Variants in PTPRG observed in about 807,000 individuals in gnomAD.
PTPRG encodes the protein protein tyrosine phosphatase receptor type G.
PTPRG carries 102 observed loss-of-function variants against 165.3 expected under a neutral mutation model. That is an observed-to-expected ratio of 0.62 (90% CI 0.53 to 0.73). PTPRG has a LOEUF of 0.73. Ranked by LOEUF, PTPRG falls within the 30% of genes least tolerant of loss-of-function variation. The probability of loss-of-function intolerance (pLI) is 0.00; values close to 1 mark genes in which losing one functional copy is unlikely to be tolerated. For missense variants in PTPRG, 1,866 were observed against 1,861.4 expected (o/e 1.00, Z -0.05); for synonymous variants, 675 against 669.5 (o/e 1.01, Z -0.13).
chr3:61,790,157 G>T (rs2034828566), intron 2 of PTPRG, among the ~76,000 whole-genome samples: 1 of 152,160 alleles, frequency 6.6e-6, no homozygotes, highest in Non-Finnish European at 1.5e-5. Flanking sequence ...TACAGAGGGT[G>T]GTTGCCCTCT....
chr3:61,662,209 C>G (rs1156652998), intron 1 of PTPRG, among the ~76,000 whole-genome samples: 2 of 152,230 alleles, frequency 1.3e-5, no homozygotes, highest in Non-Finnish European at 2.9e-5. Flanking sequence ...ATGAGCTAGA[C>G]TTCATGTCTC....
rs531070665 is a variant in PTPRG at position 61,871,542 on chromosome 3, C to T, written c.191-118083C>T. On this transcript the variant is annotated intron_variant, in intron 2 of 29. Coordinates refer to ENST00000474889, the MANE Select transcript of PTPRG (RefSeq NM_002841.4). ...AAAAGCATAAAACTGCTGACTCTCC[C>T]TGAGTGTTTGATTCTAATAGGAAAA... 2.6e-5 allele frequency among the ~76,000 whole-genome samples: 4 copies of T among 152,236 alleles called. No homozygotes were observed. The East Asian group carries it at 7.7e-4, about 29-fold the overall frequency.
rs76268669 is a variant in PTPRG, at chr3:61,784,559, A to G, written c.190+35577A>G. On this transcript the variant is annotated intron_variant, in intron 2 of 29. Transcript: ENST00000474889. ...CAGCTGACATCTGTGTTTCACTTTA[A>G]GCTTCCACAAGACTTAAGCCAGATC... Among the ~76,000 whole-genome samples, 16 of 152,290 alleles carry G rather than the reference A, an allele frequency of 1.1e-4. No homozygotes were observed. In the East Asian group the frequency reaches 3.1e-3, roughly 29 times the overall value.
chr3:61,804,369 G>C (rs913223300), intron 2 of PTPRG, among the ~76,000 whole-genome samples: 22 of 152,196 alleles, frequency 1.4e-4, no homozygotes, highest in African/African-American at 5.3e-4. Context: ...TGGGATGTGA[G>C]CTCTGTCACC....
Position 61,631,969 on chromosome 3 carries a change from T to TA in PTPRG, c.85+69598dup, listed in dbSNP as rs142702612. Among the ~76,000 whole-genome samples, 1,297 of 152,210 alleles carry TA rather than the reference T, an allele frequency of 8.5e-3. 25 individuals are homozygous for TA. Among genetic ancestry groups the TA allele is most frequent in the African/African-American group, 0.03 (1,234 of 41,520 alleles). On this transcript the variant is annotated intron_variant, in intron 1 of 29. Transcript: ENST00000474889. ...TGGATTGGAGGCAGTGGGAGCCACA[T>TA]ATAGGGAGTGATCAATTCTGCAAAG...
chr3:62,031,449 G>T (rs1215335935), intron 4 of PTPRG, among the ~76,000 whole-genome samples: 1 of 152,172 alleles, frequency 6.6e-6, no homozygotes, highest in African/African-American at 2.4e-5. Context: ...TGGACAGAAT[G>T]AAAATAAGAT....
intron 6 of PTPRG, 101 bp downstream of exon 6, chr3:62,132,769 A>T (rs1273024114): frequency 3.8e-6 from 4 of 1,055,066 alleles, no homozygotes. Flanking sequence ...GGTGACACCT[A>T]TTCCTCATCC....
At chr3:61,731,158 T>A (rs929740667) in intron 1 of PTPRG, among the ~76,000 whole-genome samples, 26 of 152,152 alleles carry the variant, frequency 1.7e-4, no homozygotes, top group African/African-American at 6.3e-4. Context: ...AAATAGTTTT[T>A]ACCCCCGTTG....
chr3:62,014,813 T>C (rs2041502051), intron 4 of PTPRG, among the ~76,000 whole-genome samples: 1 of 152,230 alleles, frequency 6.6e-6, no homozygotes, highest in East Asian at 1.9e-4. Context: ...TAAGCATATA[T>C]AGTCAGCACC....
intron 4 of PTPRG, among the ~76,000 whole-genome samples, chr3:62,047,449 A>T (rs11929545): frequency 0.011 from 1,684 of 152,024 alleles, 38 homozygotes; most frequent in African/African-American, 0.038. Context: ...TTTAGTAGAG[A>T]TGGGGTTTCG....
intron 4 of PTPRG, among the ~76,000 whole-genome samples, chr3:62,073,888 G>A (rs1412350421): frequency 1.3e-5 from 2 of 152,214 alleles, no homozygotes; most frequent in African/African-American, 2.4e-5. Context: ...GAAGAGGTCA[G>A]TGTAAAAAGA....
chr3:61,769,946 G>A (rs557084823), intron 2 of PTPRG: 15 of 152,244 alleles, frequency 9.9e-5, no homozygotes, highest in Admixed American at 5.9e-4. Flanking sequence ...GCTGTAGAAC[G>A]TGCAAGAAAT....
intron 2 of PTPRG, among the ~76,000 whole-genome samples, chr3:61,776,628 A>G (rs1047038996): frequency 6.6e-5 from 10 of 150,812 alleles, no homozygotes; most frequent in Non-Finnish European, 1.3e-4. Context: ...AAGAAATTCT[A>G]TCCTTTTAAC....
chr3:62,121,013 C>G (rs1011201618), intron 5 of PTPRG, among the ~76,000 whole-genome samples: 1 of 151,752 alleles, frequency 6.6e-6, no homozygotes, highest in African/African-American at 2.4e-5. Flanking sequence ...GGCCCTATCT[C>G]GGCTCACTGC....
intron 1 of PTPRG, among the ~76,000 whole-genome samples, chr3:61,628,362 G>A (rs1480015218): frequency 8.0e-4 from 122 of 151,994 alleles, no homozygotes; most frequent in Non-Finnish European, 1.5e-5. Context: ...TGTTGCCCAG[G>A]CTGGAGTGCA....
chr3:61,803,077 G>A (rs2035297395), intron 2 of PTPRG, among the ~76,000 whole-genome samples: 2 of 152,138 alleles, frequency 1.3e-5, no homozygotes, highest in South Asian at 2.1e-4. Context: ...ATCCATGGGT[G>A]CTTTAGCACC....
Position 61,742,646 on chromosome 3 carries a change from T to C in PTPRG, c.86-6232T>C, listed in dbSNP as rs954421698. On this transcript the variant is annotated intron_variant, in intron 1 of 29. Coordinates refer to ENST00000474889, the MANE Select transcript of PTPRG (RefSeq NM_002841.4). ...AACACCTTCTTCATTTGGAACTTGA[T>C]TGTGGACTTCACCTCACCCACTTTG... The C allele has an allele frequency of 3.7e-5, 59 of 1,605,094 alleles. 1 individual carries two copies. The highest frequency in any genetic ancestry group is 1.4e-4 in the South Asian group (13 of 91,034).
intron 2 of PTPRG, among the ~76,000 whole-genome samples, chr3:61,937,497 C>A (rs987046323): frequency 2.0e-5 from 3 of 152,300 alleles, no homozygotes; most frequent in Non-Finnish European, 2.9e-5. Flanking sequence ...ATTTGAAATA[C>A]CCTTCATTGA....
chr3:61,706,986 A>G (rs781699540), intron 1 of PTPRG, among the ~76,000 whole-genome samples: 6 of 152,174 alleles, frequency 3.9e-5, no homozygotes, highest in Non-Finnish European at 7.3e-5. Context: ...ATGTTCCATG[A>G]ATGGTATTTT....
Sources: allele counts gnomAD v4.1 joint callset (sites outside exome capture counted in the v4.1 genomes callset), GRCh38; gene constraint gnomAD v4.1.1; transcripts MANE v1.5; gene names NCBI Gene and HGNC (gene_info 2026-07-23, HGNC 2026-07-21).